The following GAP43 variants were observed in gnomAD, a reference collection of about 807,000 sequenced individuals.
The protein encoded by GAP43 is growth associated protein 43.
A neutral mutation model predicts 18.6 loss-of-function variants in GAP43; 6 were observed. That is an observed-to-expected ratio of 0.32 (90% CI 0.18 to 0.64). GAP43 has a LOEUF of 0.64. GAP43 is among the 30% of genes least tolerant of loss of function. The pLI, the probability that GAP43 is intolerant of heterozygous loss-of-function variation, is 0.78. For missense variants in GAP43, 292 were observed against 295.5 expected, an observed-to-expected ratio of 0.99 and a Z score of 0.09; for synonymous variants, 115 against 111.4, an observed-to-expected ratio of 1.03 and a Z score of -0.20.
intron 1 of GAP43, among the ~76,000 whole-genome samples, chr3:115,655,524 T>C (rs1708569901): frequency 6.6e-6 from 1 of 152,198 alleles, no homozygotes. Flanking sequence ...AGCTTCACTA[T>C]CTTCTCTCTG....
At chr3:115,630,554 G>A (rs535390732) in intron 1 of GAP43, among the ~76,000 whole-genome samples, 8 of 152,180 alleles carry the variant, frequency 5.3e-5, no homozygotes, top group Non-Finnish European at 7.3e-5. Flanking sequence ...GCTAAGTAGT[G>A]TATTTTCTCT....
At chr3:115,638,715 TTGTC>T (rs1708359816) in intron 1 of GAP43, among the ~76,000 whole-genome samples, 1 of 151,968 alleles carries the variant, frequency 6.6e-6, no homozygotes, top group Non-Finnish European at 1.5e-5. Flanking sequence ...ACTGTTCCTT[TTGTC>T]TGTAATGTCT....
chr3:115,664,972 A>G (rs1196853641), intron 1 of GAP43, among the ~76,000 whole-genome samples: 1 of 152,126 alleles, frequency 6.6e-6, no homozygotes, highest in African/African-American at 2.4e-5. Context: ...GGAGAAATGT[A>G]CTTGCTCTTT....
In GAP43 at chr3:115,696,756, C is replaced by A. The variant is rs1193841449; in HGVS notation, c.628+20146C>A. 3.3e-5 allele frequency among the ~76,000 whole-genome samples: 5 copies of A among 152,006 alleles called. No individual in the cohort carries two copies. The South Asian group carries it at 6.2e-4, about 19-fold the overall frequency. ...TTTCTCTTCGTTTAATATTGTCACCCCAACCTCATCCCAGCATTTCCCCTT... is the reference window on the plus strand; with the variant it reads ...TTTCTCTTCGTTTAATATTGTCACCACAACCTCATCCCAGCATTTCCCCTT... On this transcript the variant is annotated intron_variant, in intron 2 of 2. Transcript: ENST00000305124.
At chr3:115,685,800 G>T (rs1021015017) in intron 2 of GAP43, among the ~76,000 whole-genome samples, 14 of 152,206 alleles carry the variant, frequency 9.2e-5, no homozygotes, top group Admixed American at 6.5e-5. Flanking sequence ...AAAACCAGCG[G>T]TGGAAGATTT....
chr3:115,676,202 G>C lies in GAP43; in HGVS notation c.220G>C (p.Val74Leu). ...AEANKKDEAPVADGVEKKGEG... is the reference protein window; with the variant it reads ...AEANKKDEAPLADGVEKKGEG... ...AGCTAATAAGAAGGATGAAGCCCCT[G>C]TTGCCGATGGGGTGGAGAAGAAGGG... Residue 74 changes from valine (V) to leucine (L), a missense_variant, in exon 2 of 3, where the codon GTT becomes CTT. Val to Leu is a conservative substitution (Grantham distance 32). Transcript: ENST00000305124. 2.5e-6 allele frequency: 4 copies of C among 1,614,186 alleles called. No individual in the cohort carries two copies. The highest frequency in any genetic ancestry group is 3.4e-6 in the Non-Finnish European group (4 of 1,180,034).
At chr3:115,654,447 C>CTGAA (rs937712858) in intron 1 of GAP43, among the ~76,000 whole-genome samples, 2 of 152,180 alleles carry the variant, frequency 1.3e-5, no homozygotes, top group African/African-American at 4.8e-5. Context: ...CCCAATGCTA[C>CTGAA]TTCAGCTCAC....
At chr3:115,717,052 C>A (rs528797808) in intron 2 of GAP43, among the ~76,000 whole-genome samples, 4 of 151,956 alleles carry the variant, frequency 2.6e-5, no homozygotes, top group African/African-American at 9.6e-5. Context: ...TGGTCATAAG[C>A]AAGTCATATG....
At chr3:115,700,938 C>T (rs1320295479) in intron 2 of GAP43, among the ~76,000 whole-genome samples, 1 of 152,082 alleles carries the variant, frequency 6.6e-6, no homozygotes, top group Non-Finnish European at 1.5e-5. Flanking sequence ...ACATGTAGAT[C>T]AGACTGACAG....
rs72943765 is a variant in GAP43 at position 115,692,083 on chromosome 3, C to T, written c.628+15473C>T. The stretch of plus-strand genomic sequence containing the variant: ...CAACATGTTATACTGTGTGTGCATA[C>T]GGATGATATTCTTGGCAAAATGACC... On this transcript the variant is annotated intron_variant, in intron 2 of 2. Transcript: ENST00000305124. Among the ~76,000 whole-genome samples, 1,093 of 152,272 alleles carry T rather than the reference C, an allele frequency of 7.2e-3. 12 individuals carry two copies. The highest frequency in any genetic ancestry group is 0.02 in the African/African-American group (846 of 41,544).
intron 1 of GAP43, among the ~76,000 whole-genome samples, chr3:115,625,488 C>T (rs141853549): frequency 1.4e-3 from 208 of 152,120 alleles, no homozygotes; most frequent in Non-Finnish European, 2.4e-3. Context: ...CACTGGTGAG[C>T]TGGGGAAATA....
At chr3:115,709,618 C>T (rs1304078512) in intron 2 of GAP43, among the ~76,000 whole-genome samples, 1 of 152,110 alleles carries the variant, frequency 6.6e-6, no homozygotes, top group Non-Finnish European at 1.5e-5. Flanking sequence ...GCTTATTTCA[C>T]TCTAAGGCCT....
chr3:115,633,072 T>C (rs1242800344), intron 1 of GAP43, among the ~76,000 whole-genome samples: 2 of 151,936 alleles, frequency 1.3e-5, no homozygotes, highest in African/African-American at 4.8e-5. Flanking sequence ...CAACGAAGCC[T>C]ATGGGAACCA....
chr3:115,679,127 GGGTT>G (rs1436415844), intron 2 of GAP43, among the ~76,000 whole-genome samples: 1 of 151,960 alleles, frequency 6.6e-6, no homozygotes, highest in Non-Finnish European at 1.5e-5. Context: ...TGGCTACCAT[GGGTT>G]GCTTTAGGAT....
At chr3:115,629,512 AAT>A in intron 1 of GAP43, among the ~76,000 whole-genome samples, 1 of 151,972 alleles carries the variant, frequency 6.6e-6, no homozygotes, top group Non-Finnish European at 1.5e-5. Context: ...CTCAGCCTGA[AAT>A]ATTCCCACTT....
At chr3:115,682,363 A>G (rs908357646) in intron 2 of GAP43, among the ~76,000 whole-genome samples, 1 of 152,182 alleles carries the variant, frequency 6.6e-6, no homozygotes, top group Non-Finnish European at 1.5e-5. Context: ...ATCAGATGAA[A>G]GTCATTTTAT....
intron 2 of GAP43, among the ~76,000 whole-genome samples, chr3:115,713,105 A>G (rs1406256630): frequency 6.6e-6 from 1 of 152,212 alleles, no homozygotes; most frequent in Non-Finnish European, 1.5e-5. Context: ...GACATCTGGT[A>G]TATAGCTAAA....
chr3:115,717,140 C>T (rs760197500), intron 2 of GAP43, among the ~76,000 whole-genome samples: 13 of 152,070 alleles, frequency 8.5e-5, no homozygotes, highest in Non-Finnish European at 1.9e-4. Flanking sequence ...CATTCCTTCA[C>T]TCAAGAAATA....
intron 1 of GAP43, among the ~76,000 whole-genome samples, chr3:115,669,041 G>A (rs1384220433): frequency 1.4e-5 from 2 of 142,400 alleles, no homozygotes; most frequent in Non-Finnish European, 3.0e-5. Flanking sequence ...GAGTGACCCT[G>A]TCTAAAAAAA....
Sources: allele counts gnomAD v4.1 joint callset (sites outside exome capture counted in the v4.1 genomes callset), GRCh38; gene constraint gnomAD v4.1.1; transcripts MANE v1.5; gene names NCBI Gene and HGNC (gene_info 2026-07-23, HGNC 2026-07-21).